Variants in NFIB observed in about 807,000 individuals in gnomAD.
NFIB encodes nuclear factor 1 B-type.
A neutral mutation model predicts 61.5 loss-of-function variants in NFIB; 11 were observed. The observed-to-expected ratio is 0.18, with a 90% CI of 0.11 to 0.30. NFIB has a LOEUF of 0.30. NFIB is among the 10% of genes least tolerant of loss of function. NFIB has a pLI of 1.00. For missense variants in NFIB, 471 were observed against 608.9 expected (o/e 0.77, Z 2.38); for synonymous variants, 260 against 216.5 (o/e 1.20, Z -1.76).
At chr9:14,184,715 G>A (rs1399767982) in intron 2 of NFIB, among the ~76,000 whole-genome samples, 1 of 152,120 alleles carries the variant, frequency 6.6e-6, no homozygotes, top group Non-Finnish European at 1.5e-5. Flanking sequence ...GGTCATTAAT[G>A]TAAACATCAT....
At chr9:14,429,675 C>T in the NFIB span, among the ~76,000 whole-genome samples, 1 of 152,182 alleles carries the variant, frequency 6.6e-6, no homozygotes, top group African/African-American at 2.4e-5. Flanking sequence ...TTTCTTTTCG[C>T]AAAGCCACCA....
chr9:14,434,740 T>A, the NFIB span, among the ~76,000 whole-genome samples: 51,968 of 152,138 alleles, frequency 0.34, 9,464 homozygotes, highest in Admixed American at 0.48. Flanking sequence ...ATTTTAGATT[T>A]CTTTGCTGTA....
chr9:14,398,659 C>CTGTA, exon 1 of NFIB: 1 of 1,458,880 alleles, frequency 6.9e-7, no homozygotes, highest in Non-Finnish European at 9.2e-7. Flanking sequence ...GACAAGAAGC[C>CTGTA]TGTAGGCTCT....
the NFIB span, among the ~76,000 whole-genome samples, chr9:14,475,002 C>T: frequency 6.6e-6 from 1 of 152,184 alleles, no homozygotes; most frequent in African/African-American, 2.4e-5. Context: ...ATCTTCTTTA[C>T]TCAGTCAACT....
At chr9:14,319,833 C>T (rs1183743551) in intron 1 of NFIB, among the ~76,000 whole-genome samples, 5 of 152,124 alleles carry the variant, frequency 3.3e-5, no homozygotes, top group Admixed American at 1.3e-4. Context: ...AAAGTCAAAG[C>T]AATGCATAAC....
chr9:14,485,741 G>T, the NFIB span, among the ~76,000 whole-genome samples: 1 of 152,084 alleles, frequency 6.6e-6, no homozygotes, highest in Non-Finnish European at 1.5e-5. Flanking sequence ...CGGGTGTTGT[G>T]GTGGGCGCCT....
At position 14,082,461 on chromosome 9, in the gene NFIB, T is replaced by G. The variant is rs951972496; in HGVS notation, c.*5848A>C. ...AAGTTCTATATGATATAAGCACAAATTAACAGCTTGATGAAGACATAATCT... is the reference window on the plus strand; with the variant it reads ...AAGTTCTATATGATATAAGCACAAAGTAACAGCTTGATGAAGACATAATCT... On this transcript the variant is annotated 3_prime_UTR_variant, in exon 11 of 11. Transcript: ENST00000380953. 9.8e-6 allele frequency: 2 copies of G among 204,346 alleles called. No individual in the cohort carries two copies. Among genetic ancestry groups the G allele is most frequent in the African/African-American group, 4.6e-5 (2 of 43,612 alleles). 12.7% of individuals were successfully genotyped at this position (204,346 alleles called of 1,614,324 possible). A position where few individuals can be genotyped will look rare whatever the true frequency, so the allele number is the denominator to read the frequency against.
At chr9:14,220,588 TCTC>T (rs2051521838) in intron 2 of NFIB, among the ~76,000 whole-genome samples, 1 of 152,048 alleles carries the variant, frequency 6.6e-6, no homozygotes, top group South Asian at 2.1e-4. Context: ...GGACTTGCAG[TCTC>T]CTCAACAGTG....
intron 2 of NFIB, among the ~76,000 whole-genome samples, chr9:14,239,244 C>T (rs2054110884): frequency 6.6e-6 from 1 of 152,158 alleles, no homozygotes; most frequent in Non-Finnish European, 1.5e-5. Context: ...TGTTTTCACA[C>T]AATGGTCACA....
chr9:14,364,553 A>G (rs375198232), intron 1 of NFIB, among the ~76,000 whole-genome samples: 15 of 152,246 alleles, frequency 9.9e-5, no homozygotes, highest in African/African-American at 3.1e-4. Context: ...ACTTTTTAAT[A>G]TAACAACACA....
chr9:14,333,661 C>T (rs1006562768), intron 1 of NFIB, among the ~76,000 whole-genome samples: 1 of 152,146 alleles, frequency 6.6e-6, no homozygotes, highest in African/African-American at 2.4e-5. Flanking sequence ...GTCTCTCTTC[C>T]TGTGCTTTCG....
At chr9:14,129,188 G>T (rs1016924442) in intron 6 of NFIB, among the ~76,000 whole-genome samples, 3 of 152,018 alleles carry the variant, frequency 2.0e-5, no homozygotes, top group African/African-American at 7.2e-5. Flanking sequence ...CATAAGAATG[G>T]GAAGGTTCAC....
intron 2 of NFIB, among the ~76,000 whole-genome samples, chr9:14,237,619 G>C (rs941042763): frequency 6.6e-6 from 1 of 152,116 alleles, no homozygotes; most frequent in Non-Finnish European, 1.5e-5. Flanking sequence ...TACCAGATGG[G>C]AAAGCTGAGG....
chr9:14,233,542 C>A (rs918857855), intron 2 of NFIB, among the ~76,000 whole-genome samples: 2 of 151,524 alleles, frequency 1.3e-5, no homozygotes, highest in Non-Finnish European at 2.9e-5. Context: ...AATTCTCTTG[C>A]CTCAGCCTCT....
At chr9:14,482,399 G>A in the NFIB span, among the ~76,000 whole-genome samples, 6 of 152,066 alleles carry the variant, frequency 3.9e-5, no homozygotes, top group South Asian at 2.1e-4. Context: ...CATGCATCCC[G>A]CTCTCTGGAG....
chr9:14,164,385 C>T (rs1396316427), intron 3 of NFIB, among the ~76,000 whole-genome samples: 2 of 151,974 alleles, frequency 1.3e-5, no homozygotes, highest in Admixed American at 1.3e-4. Context: ...TTGCATATAG[C>T]TCCTAGGCTA....
the NFIB span, among the ~76,000 whole-genome samples, chr9:14,414,513 T>A: frequency 8.2e-6 from 1 of 121,290 alleles, no homozygotes; most frequent in Non-Finnish European, 1.5e-5. Flanking sequence ...CGTTTTGTAT[T>A]TTTTTTTTTT....
chr9:14,341,460 C>A (rs12115735), intron 1 of NFIB, among the ~76,000 whole-genome samples: 2,384 of 152,088 alleles, frequency 0.016, 35 homozygotes, highest in Non-Finnish European at 0.025. Context: ...TAGCAGAGGC[C>A]CTCAATGAAA....
Position 14,125,688 on chromosome 9 carries a change from C to A in NFIB, c.1004G>T (p.Arg335Ile). The change falls in exon 7 of 11, where the codon AGA (arginine) becomes ATA (isoleucine). Residue 335 changes from arginine to isoleucine, a missense_variant. This residue lies in a region of NFIB where 372 missense variants were observed against 395.6 expected (regional missense o/e 0.94). Coordinates refer to ENST00000380953, the MANE Select transcript of NFIB (RefSeq NM_001190737.2). ...GTGGTGCTGGGGGAAAGTGCTCAGT[C>A]TTGGGGAAGAATCCTGTGGAGATGC... ...SSASPQDSSP[R>I]LSTFPQHHHP... 6.2e-7 allele frequency: 1 copy of A among 1,614,118 alleles called. No homozygotes were observed. The highest frequency in any genetic ancestry group is 8.5e-7 in the Non-Finnish European group (1 of 1,180,000).
Sources: allele counts gnomAD v4.1 joint callset (sites outside exome capture counted in the v4.1 genomes callset), GRCh38; gene constraint gnomAD v4.1.1; regional missense constraint gnomAD v4.1.1; transcripts MANE v1.5; gene names NCBI Gene and HGNC (gene_info 2026-07-23, HGNC 2026-07-21).